The following CCDC178 variants were observed in gnomAD, a reference collection of about 807,000 sequenced individuals.
CCDC178 encodes the protein coiled-coil domain containing 178, also known as coiled-coil domain-containing protein 178.
A neutral mutation model predicts 117.4 loss-of-function variants in CCDC178; 126 were observed. The ratio of observed to expected loss-of-function variants is 1.07; its 90% CI spans 0.93 to 1.24. The LOEUF is 1.24. Ranked by LOEUF, CCDC178 falls within the 50% of genes most tolerant of loss-of-function variation. The pLI, the probability that CCDC178 is intolerant of heterozygous loss-of-function variation, is 0.00. For synonymous variants in CCDC178, 283 were observed against 313.4 expected (o/e 0.90, Z 1.02); for missense variants, 1,030 against 986.9 (o/e 1.04, Z -0.59).
At chr18:33,273,912 A>G (rs568908684) in intron 12 of CCDC178, among the ~76,000 whole-genome samples, 2 of 151,898 alleles carry the variant, frequency 1.3e-5, no homozygotes, top group South Asian at 2.1e-4. Flanking sequence ...AAACTTTTTA[A>G]TATCTTCTGC....
intron 14 of CCDC178, among the ~76,000 whole-genome samples, chr18:33,263,616 A>C (rs1486623904): frequency 2.0e-5 from 3 of 152,144 alleles, no homozygotes; most frequent in Admixed American, 2.0e-4. Flanking sequence ...TTAGGGTCTC[A>C]ATCTCCTTTT....
At chr18:33,239,988 CA>C (rs112469966) in intron 15 of CCDC178, among the ~76,000 whole-genome samples, 10,177 of 151,730 alleles carry the variant, frequency 0.067, 513 homozygotes, top group African/African-American at 0.14. Context: ...TGTTTAGACA[CA>C]AAAAAATCTT....
intron 2 of CCDC178, among the ~76,000 whole-genome samples, chr18:33,439,607 C>T (rs2064349249): frequency 6.6e-6 from 1 of 152,180 alleles, no homozygotes; most frequent in African/African-American, 2.4e-5. Context: ...ATTTGTCTTA[C>T]AACTAGTCAT....
intron 3 of CCDC178, among the ~76,000 whole-genome samples, chr18:33,404,050 C>T (rs375121483): frequency 2.6e-5 from 4 of 152,148 alleles, no homozygotes; most frequent in East Asian, 3.9e-4. Context: ...AGAGACTAAC[C>T]AATGGAAAGA....
At chr18:33,351,656 A>T (rs1471476366) in intron 7 of CCDC178, among the ~76,000 whole-genome samples, 1 of 151,864 alleles carries the variant, frequency 6.6e-6, no homozygotes, top group Non-Finnish European at 1.5e-5. Flanking sequence ...AATCCTCCAA[A>T]CTCAGTCTCT....
intron 22 of CCDC178, among the ~76,000 whole-genome samples, chr18:32,960,577 T>C (rs2054686459): frequency 6.6e-6 from 1 of 152,160 alleles, no homozygotes; most frequent in Non-Finnish European, 1.5e-5. Context: ...ATACGCTAAA[T>C]GCTAAATTAG....
At chr18:33,369,084 G>A (rs1226767842) in intron 6 of CCDC178, among the ~76,000 whole-genome samples, 1 of 151,808 alleles carries the variant, frequency 6.6e-6, no homozygotes, top group Non-Finnish European at 1.5e-5. Context: ...TCAGTCCTGT[G>A]ACCTATAAAG....
chr18:33,190,717 T>G (rs2144515772), intron 20 of CCDC178, among the ~76,000 whole-genome samples: 1 of 152,308 alleles, frequency 6.6e-6, no homozygotes, highest in African/African-American at 2.4e-5. Context: ...CTGATTCACT[T>G]TCATACTGGA....
intron 21 of CCDC178, among the ~76,000 whole-genome samples, chr18:33,008,017 G>A (rs931255659): frequency 2.6e-5 from 4 of 152,094 alleles, no homozygotes; most frequent in African/African-American, 9.7e-5. Flanking sequence ...TATGTTAGCA[G>A]CTTTGATTGT....
intron 14 of CCDC178, among the ~76,000 whole-genome samples, chr18:33,263,810 C>G (rs1265593009): frequency 2.6e-5 from 4 of 151,800 alleles, no homozygotes; most frequent in African/African-American, 9.7e-5. Context: ...AAAATAGAAA[C>G]TTTTTCATAA....
intron 3 of CCDC178, among the ~76,000 whole-genome samples, chr18:33,400,030 T>A (rs1168900798): frequency 2.0e-5 from 3 of 152,110 alleles, no homozygotes; most frequent in African/African-American, 7.2e-5. Flanking sequence ...AACATTAATC[T>A]ACTCGTACAT....
rs2060018249 is a variant in CCDC178 at position 33,280,982 on chromosome 18, T to A, written c.1176+12177A>T. ...GTGGGGCGCGGGGGAGCGATAGCAT[T>A]AGGAGATATACCTAATGCTAAATGA... On this transcript the variant is annotated intron_variant, in intron 12 of 22. Transcript: ENST00000383096. Among the ~76,000 whole-genome samples the A allele has an allele frequency of 3.3e-5, 5 of 152,132 alleles. No individual in the cohort carries two copies. In the South Asian group the frequency reaches 1.0e-3, roughly 32 times the overall value.
intron 20 of CCDC178, among the ~76,000 whole-genome samples, chr18:33,102,308 G>A (rs1035234440): frequency 6.6e-6 from 1 of 151,194 alleles, no homozygotes; most frequent in African/African-American, 2.4e-5. Context: ...TCTTGGGTAT[G>A]AATTGCAGAA....
chr18:33,381,948 T>C (rs2063443481), intron 5 of CCDC178, among the ~76,000 whole-genome samples: 1 of 152,162 alleles, frequency 6.6e-6, no homozygotes, highest in South Asian at 2.1e-4. Context: ...TGTACCACAA[T>C]AGCACATAGA....
intron 18 of CCDC178, 150 bp from the exon 19 acceptor site, chr18:33,215,845 G>T: frequency 1.8e-6 from 1 of 556,870 alleles, no homozygotes; most frequent in Non-Finnish European, 2.9e-6. Flanking sequence ...CCAGCACTTT[G>T]GGAAGTCAAA....
intron 4 of CCDC178, among the ~76,000 whole-genome samples, chr18:33,389,917 C>G (rs2063544266): frequency 6.6e-6 from 1 of 151,268 alleles, no homozygotes; most frequent in African/African-American, 2.4e-5. Context: ...CCAGGACACA[C>G]TGTGAAAATT....
intron 20 of CCDC178, among the ~76,000 whole-genome samples, chr18:33,102,832 C>T (rs2057650870): frequency 6.6e-6 from 1 of 151,788 alleles, no homozygotes; most frequent in South Asian, 2.1e-4. Context: ...GCTCTCCAGC[C>T]AAATCCAGCC....
At chr18:33,298,047 A>C (rs2062128785) in intron 11 of CCDC178, among the ~76,000 whole-genome samples, 1 of 152,162 alleles carries the variant, frequency 6.6e-6, no homozygotes, top group South Asian at 2.1e-4. Context: ...TCTGAAAAAA[A>C]AAAAAAGAAG....
At chr18:33,097,365 T>C (rs2057558480) in intron 20 of CCDC178, among the ~76,000 whole-genome samples, 1 of 152,078 alleles carries the variant, frequency 6.6e-6, no homozygotes, top group Non-Finnish European at 1.5e-5. Context: ...ATCTAACCCC[T>C]AGCCTCCAAG....
Sources: gnomAD v4.1 joint callset for allele counts (sites outside exome capture counted in the v4.1 genomes callset) on GRCh38, gnomAD v4.1.1 for gene constraint, MANE v1.5 for transcripts, NCBI Gene and HGNC (gene_info 2026-07-23, HGNC 2026-07-21) for gene names.